ITGA8: variants seen among roughly 807,000 people sequenced by gnomAD.
ITGA8 encodes integrin alpha-8.
Under a neutral mutation model 142.3 loss-of-function variants are expected in ITGA8, and 91 were observed. That is an observed-to-expected ratio of 0.64 (90% CI 0.54 to 0.76). The LOEUF is 0.76. Among genes scored for constraint, ITGA8 ranks in the 30% least tolerant of loss-of-function variants. The pLI, the probability that ITGA8 is intolerant of heterozygous loss-of-function variation, is 0.00. For missense variants in ITGA8, 1,406 were observed against 1,327.7 expected, an observed-to-expected ratio of 1.06 and a Z score of -0.92; for synonymous variants, 505 against 485.2, an observed-to-expected ratio of 1.04 and a Z score of -0.54.
intron 13 of ITGA8, among the ~76,000 whole-genome samples, chr10:15,637,058 T>A (rs563373209): frequency 1.3e-5 from 2 of 152,236 alleles, no homozygotes; most frequent in African/African-American, 2.4e-5. Flanking sequence ...GGCAGGAGAA[T>A]CCCTTGAACC....
At chr10:15,555,620 A>G (rs1360540892) in intron 26 of ITGA8, among the ~76,000 whole-genome samples, 2 of 152,156 alleles carry the variant, frequency 1.3e-5, no homozygotes, top group African/African-American at 4.8e-5. Context: ...CAACCCAGCC[A>G]GGACTGTGAC....
At chr10:15,653,010 G>A (rs1267346462) in intron 11 of ITGA8, among the ~76,000 whole-genome samples, 2 of 152,242 alleles carry the variant, frequency 1.3e-5, no homozygotes, top group Non-Finnish European at 2.9e-5. Flanking sequence ...GGCAGAGTTT[G>A]TGTTGCACTG....
At chr10:15,706,614 CTT>C (rs1259548820) in intron 2 of ITGA8, among the ~76,000 whole-genome samples, 1 of 151,934 alleles carries the variant, frequency 6.6e-6, no homozygotes, top group African/African-American at 2.4e-5. Context: ...AATTTTTTAA[CTT>C]TTTTGTAGAG....
chr10:15,545,761 T>A (rs1260649019), intron 27 of ITGA8, among the ~76,000 whole-genome samples: 1 of 152,238 alleles, frequency 6.6e-6, no homozygotes, highest in Admixed American at 6.5e-5. Flanking sequence ...GATTCATCCA[T>A]GCCAATGTGT....
intron 25 of ITGA8, among the ~76,000 whole-genome samples, chr10:15,564,465 G>T (rs1216197178): frequency 1.3e-5 from 2 of 152,118 alleles, no homozygotes; most frequent in Admixed American, 6.6e-5. Flanking sequence ...AGAAGCTGGT[G>T]GTCACCACTA....
At chr10:15,600,902 G>A (rs544959943) in intron 20 of ITGA8, among the ~76,000 whole-genome samples, 2 of 152,214 alleles carry the variant, frequency 1.3e-5, no homozygotes, top group South Asian at 4.1e-4. Context: ...CATCACTTTA[G>A]GTATTAGAAG....
At chr10:15,650,540 G>C (rs895346458) in intron 11 of ITGA8, among the ~76,000 whole-genome samples, 3 of 152,138 alleles carry the variant, frequency 2.0e-5, no homozygotes, top group African/African-American at 7.2e-5. Flanking sequence ...ACTTTGCAGA[G>C]GGTCCCCACC....
Position 15,561,883 on chromosome 10 carries a change from G to T in ITGA8, c.2638-3681C>A, listed in dbSNP as rs7911656. Among the ~76,000 whole-genome samples, 808 of 152,276 alleles carry T rather than the reference G, an allele frequency of 5.3e-3. 6 individuals are homozygous for T. The highest frequency in any genetic ancestry group is 0.019 in the African/African-American group (789 of 41,544). On this transcript the variant is annotated intron_variant, in intron 25 of 29. Coordinates refer to ENST00000378076, the MANE Select transcript of ITGA8 (RefSeq NM_003638.3). Reference sequence around the variant, plus strand: ...TGACTCACAGTTCTCCCTGGCTGGGGAGGCCTCAGGAAACTTACAATCATG... The same window carrying T: ...TGACTCACAGTTCTCCCTGGCTGGGTAGGCCTCAGGAAACTTACAATCATG...
chr10:15,592,425 C>A (rs1832942818), intron 21 of ITGA8, 121 bp from the exon 22 acceptor site: 7 of 716,604 alleles, frequency 9.8e-6, no homozygotes, highest in African/African-American at 1.8e-5. Context: ...TCTGCTTCTA[C>A]CCCAGGTGGC....
rs145072398 is a variant in ITGA8, at chr10:15,613,689, C to A, written c.1524G>T (p.Gln508His). The A allele has an allele frequency of 1.4e-5, 22 of 1,613,808 alleles. No homozygotes were observed. The highest frequency in any genetic ancestry group is 1.9e-5 in the Non-Finnish European group (22 of 1,179,810). ...CAGCAGATGTCATAGAGTCTGGAACCTGGCAAGTTTTATTTTCAAGATTGA... is the reference window on the plus strand; with the variant it reads ...CAGCAGATGTCATAGAGTCTGGAACATGGCAAGTTTTATTTTCAAGATTGA... ...MIINLENKTCQVPDSMTSAAC... is the reference protein window; with the variant it reads ...MIINLENKTCHVPDSMTSAAC... Residue 508 changes from glutamine (Q) to histidine (H), a missense_variant, in exon 15 of 30, where the codon CAG becomes CAT. Physicochemically the swap from Gln to His is conservative, Grantham distance 24. Coordinates refer to ENST00000378076, the MANE Select transcript of ITGA8 (RefSeq NM_003638.3).
intron 23 of ITGA8, among the ~76,000 whole-genome samples, chr10:15,580,071 A>T (rs886443994): frequency 1.3e-5 from 2 of 151,240 alleles, no homozygotes; most frequent in African/African-American, 4.8e-5. Flanking sequence ...TAATAAAACA[A>T]AAAGCAGATT....
Position 15,515,739 on chromosome 10 carries a change from C to G in ITGA8, c.*1419G>C, listed in dbSNP as rs543833728. On this transcript the variant is annotated 3_prime_UTR_variant, in exon 30 of 30. Coordinates refer to ENST00000378076, the MANE Select transcript of ITGA8 (RefSeq NM_003638.3). ...AAAAAAGGATACAAAATTGTGCAGA[C>G]TACCTATAAATTTGGCTGGTCAATT... 1 of 152,004 alleles carries G rather than the reference C, an allele frequency of 6.6e-6. No homozygotes were observed. The allele number at this position is 152,004 out of a possible 1,614,324, so 9.4% of individuals were successfully genotyped here.
At chr10:15,693,442 G>A (rs1466974790) in intron 2 of ITGA8, among the ~76,000 whole-genome samples, 2 of 152,142 alleles carry the variant, frequency 1.3e-5, no homozygotes, top group Non-Finnish European at 2.9e-5. Context: ...TGACATGTTA[G>A]TAGAAAATCA....
At chr10:15,543,591 A>G (rs973400704) in intron 27 of ITGA8, among the ~76,000 whole-genome samples, 83 of 152,192 alleles carry the variant, frequency 5.5e-4, no homozygotes, top group Admixed American at 5.4e-3. Flanking sequence ...AACCCTAATT[A>G]ATTGCTTTCT....
intron 8 of ITGA8, among the ~76,000 whole-genome samples, chr10:15,663,497 C>A (rs748763877): frequency 6.6e-6 from 1 of 152,094 alleles, no homozygotes; most frequent in African/African-American, 2.4e-5. Context: ...TCTTTCCCTA[C>A]AATATACTCT....
intron 28 of ITGA8, among the ~76,000 whole-genome samples, chr10:15,526,361 A>T (rs754001188): frequency 6.6e-5 from 10 of 152,126 alleles, no homozygotes; most frequent in Non-Finnish European, 1.5e-4. Context: ...TTTTTAGTAG[A>T]GATGAACTTT....
rs760260107 is a variant in ITGA8 at position 15,687,942 on chromosome 10, A to G, written c.440T>C (p.Val147Ala). 8 of 1,604,126 alleles carry G rather than the reference A, an allele frequency of 5.0e-6. No homozygotes were observed. The Admixed American group carries it at 5.0e-5, about 10-fold the overall frequency. The change falls in exon 3 of 30, where the codon GTT becomes GCT. Residue 147 changes from valine to alanine, a missense_variant. Val to Ala is a moderately conservative substitution (Grantham distance 64). Coordinates refer to ENST00000378076, the MANE Select transcript of ITGA8 (RefSeq NM_003638.3). ...GATVKAHKGK[V>A]VACAPLYHWR... ...AAGCCCACGGCTCATACTCACCACA[A>G]CTTTTCCTTTGTGAGCTTTCACTGT...
chr10:15,573,730 A>G (rs184566537), intron 24 of ITGA8, among the ~76,000 whole-genome samples: 101 of 152,316 alleles, frequency 6.6e-4, no homozygotes, highest in African/African-American at 2.2e-3. Context: ...TAGAGGCATG[A>G]GTTACATAGG....
intron 8 of ITGA8, among the ~76,000 whole-genome samples, chr10:15,664,274 C>A (rs765287412): frequency 3.6e-4 from 55 of 152,096 alleles, no homozygotes; most frequent in Non-Finnish European, 2.1e-4. Flanking sequence ...GACTCTTAAG[C>A]GTTACAATAT....
Sources: gnomAD v4.1 joint callset for allele counts (sites outside exome capture counted in the v4.1 genomes callset) on GRCh38, gnomAD v4.1.1 for gene constraint, MANE v1.5 for transcripts, NCBI Gene and HGNC (gene_info 2026-07-23, HGNC 2026-07-21) for gene names.